The following KIF16B variants were observed in gnomAD, a reference collection of about 807,000 sequenced individuals.
The protein encoded by KIF16B is kinesin family member 16B.
In KIF16B, 98 loss-of-function variants were observed where a neutral mutation model predicts 156.3. The observed-to-expected ratio is 0.63, with a 90% CI of 0.53 to 0.74. KIF16B has a LOEUF of 0.74. Among genes scored for constraint, KIF16B ranks in the 30% least tolerant of loss-of-function variants. KIF16B has a pLI of 0.00. For synonymous variants in KIF16B, 564 were observed against 583.7 expected (o/e 0.97, Z 0.49); for missense variants, 1,421 against 1,606.5 (o/e 0.88, Z 1.97).
rs556954414 is a variant in KIF16B, at chr20:16,499,917, A to G, written c.1177-2239T>C. On this transcript the variant is annotated intron_variant, in intron 10 of 25. Transcript: ENST00000354981. The stretch of plus-strand genomic sequence containing the variant: ...TATCTTTAGAAGAAAAGTGTTTCAA[A>G]TCAAATAATAATCAGATTAAGTTCA... Among the ~76,000 whole-genome samples, 37 of 152,336 alleles carry G rather than the reference A, an allele frequency of 2.4e-4. No homozygotes were observed. In the East Asian group the frequency reaches 6.9e-3, roughly 29 times the overall value.
chr20:16,543,272 T>A (rs2070274844), intron 1 of KIF16B, among the ~76,000 whole-genome samples: 3 of 152,270 alleles, frequency 2.0e-5, no homozygotes, highest in African/African-American at 4.8e-5. Flanking sequence ...AGAAGGTGGT[T>A]TCATCCCTTC....
At chr20:16,401,051 G>T (rs1185067716) in intron 17 of KIF16B, among the ~76,000 whole-genome samples, 1 of 151,866 alleles carries the variant, frequency 6.6e-6, no homozygotes, top group Non-Finnish European at 1.5e-5. Flanking sequence ...ACTTTCTACA[G>T]CAGGTGGCAA....
chr20:16,381,797 C>A (rs775321481), intron 17 of KIF16B, 50 bp from the exon 18 acceptor site: 1 of 1,383,642 alleles, frequency 7.2e-7, no homozygotes, highest in Admixed American at 1.8e-5. Flanking sequence ...GCTTTTCTAT[C>A]TCTCTCTCAC....
intron 12 of KIF16B, among the ~76,000 whole-genome samples, chr20:16,432,580 A>G (rs568724761): frequency 9.9e-5 from 15 of 152,262 alleles, no homozygotes; most frequent in Admixed American, 9.8e-4. Context: ...AAGACCATTA[A>G]AGCAAAACTC....
At chr20:16,525,537 C>T (rs1234100856) in intron 3 of KIF16B, among the ~76,000 whole-genome samples, 1 of 152,172 alleles carries the variant, frequency 6.6e-6, no homozygotes, top group Non-Finnish European at 1.5e-5. Flanking sequence ...GTCCACTTCA[C>T]ATCTACATTT....
At chr20:16,539,959 C>A (rs563429068) in intron 1 of KIF16B, among the ~76,000 whole-genome samples, 2 of 152,256 alleles carry the variant, frequency 1.3e-5, no homozygotes, top group South Asian at 2.1e-4. Context: ...CTGAAATAAA[C>A]CGGCATCCCA....
chr20:16,383,659 G>GTTGGTATC (rs1172115221), intron 17 of KIF16B, among the ~76,000 whole-genome samples: 1 of 152,200 alleles, frequency 6.6e-6, no homozygotes. Context: ...AGGATTCCAA[G>GTTGGTATC]TTGGTATCTT....
intron 24 of KIF16B, among the ~76,000 whole-genome samples, chr20:16,315,680 T>A (rs548444322): frequency 2.0e-5 from 3 of 152,272 alleles, no homozygotes; most frequent in Admixed American, 6.5e-5. Flanking sequence ...GGAAGCAGGA[T>A]GGGGCTGGAG....
At chr20:16,560,677 G>A (rs1327640446) in intron 1 of KIF16B, among the ~76,000 whole-genome samples, 1 of 152,072 alleles carries the variant, frequency 6.6e-6, no homozygotes, top group African/African-American at 2.4e-5. Context: ...TACTTGGGGG[G>A]CTGAGGCTGA....
rs533739317 is a variant in KIF16B, at chr20:16,442,089, G to T, written c.1303-12107C>A. ...GTGAACTCAGACAAATTGACATGTG[G>T]TTACCAGAAGCTGGAGTGGTTGTAG... On this transcript the variant is annotated intron_variant, in intron 12 of 25. Transcript: ENST00000354981. Among the ~76,000 whole-genome samples, 15 of 152,242 alleles carry T rather than the reference G, an allele frequency of 9.9e-5. No homozygotes were observed. The East Asian group carries it at 2.3e-3, about 24-fold the overall frequency.
At chr20:16,435,299 T>C (rs1415251179) in intron 12 of KIF16B, among the ~76,000 whole-genome samples, 1 of 152,224 alleles carries the variant, frequency 6.6e-6, no homozygotes, top group African/African-American at 2.4e-5. Flanking sequence ...ACATGGTGCA[T>C]GTTGGGCAGT....
At chr20:16,386,950 T>A (rs1294058363) in intron 17 of KIF16B, among the ~76,000 whole-genome samples, 2 of 152,128 alleles carry the variant, frequency 1.3e-5, no homozygotes, top group East Asian at 3.9e-4. Flanking sequence ...TCCTATAGCA[T>A]CCATAGTACA....
chr20:16,378,697 C>A, intron 19 of KIF16B, 108 bp downstream of exon 19: 1 of 1,180,830 alleles, frequency 8.5e-7, no homozygotes. Flanking sequence ...AATATGAAGG[C>A]TAAAAGAATA....
At chr20:16,286,398 C>T (rs770930003) in intron 25 of KIF16B, among the ~76,000 whole-genome samples, 4 of 152,058 alleles carry the variant, frequency 2.6e-5, no homozygotes, top group South Asian at 2.1e-4. Flanking sequence ...CCAACATTTC[C>T]GTCTGAGTAC....
intron 6 of KIF16B, among the ~76,000 whole-genome samples, chr20:16,511,108 G>T (rs1327000664): frequency 6.6e-6 from 1 of 152,166 alleles, no homozygotes; most frequent in Non-Finnish European, 1.5e-5. Context: ...CTGCAAAAAT[G>T]CAATGCCATT....
intron 12 of KIF16B, among the ~76,000 whole-genome samples, chr20:16,461,054 A>C (rs1018494537): frequency 8.5e-5 from 13 of 152,180 alleles, no homozygotes; most frequent in Admixed American, 7.2e-4. Flanking sequence ...TTATATAAAA[A>C]GCCTAAAATA....
At chr20:16,326,744 C>T (rs1407010028) in intron 24 of KIF16B, among the ~76,000 whole-genome samples, 1 of 151,946 alleles carries the variant, frequency 6.6e-6, no homozygotes, top group Non-Finnish European at 1.5e-5. Flanking sequence ...ACTAGTACAA[C>T]CACTATAGAA....
chr20:16,475,020 A>C (rs1045432420), intron 12 of KIF16B, among the ~76,000 whole-genome samples: 1 of 152,250 alleles, frequency 6.6e-6, no homozygotes, highest in Non-Finnish European at 1.5e-5. Context: ...GTTCGATAAA[A>C]GTTAAATGAA....
intron 6 of KIF16B, among the ~76,000 whole-genome samples, chr20:16,510,777 C>T (rs13045459): frequency 0.084 from 12,815 of 152,114 alleles, 606 homozygotes; most frequent in African/African-American, 0.13. Context: ...CACAAAGACA[C>T]AAATGAAGAA....
Sources: allele counts gnomAD v4.1 joint callset (sites outside exome capture counted in the v4.1 genomes callset), GRCh38; gene constraint gnomAD v4.1.1; transcripts MANE v1.5; gene names NCBI Gene and HGNC (gene_info 2026-07-23, HGNC 2026-07-21).